The following NFASC variants were observed in gnomAD, a reference collection of about 807,000 sequenced individuals.
The protein encoded by NFASC is neurofascin homolog.
A neutral mutation model predicts 147.5 loss-of-function variants in NFASC; 43 were observed. That is an observed-to-expected ratio of 0.29 (90% confidence interval 0.23 to 0.38). The LOEUF (loss-of-function observed/expected upper bound fraction) is 0.38. Ranked by LOEUF, NFASC falls within the 10% of genes least tolerant of loss-of-function variation. The probability of loss-of-function intolerance (pLI) is 1.00; values close to 1 mark genes in which losing one functional copy is unlikely to be tolerated. For missense variants in NFASC, 1,320 were observed against 1,689.0 expected (o/e 0.78, Z 3.83); for synonymous variants, 622 against 665.5 (o/e 0.93, Z 1.01).
At chr1:204,965,231 C>A (rs1287235212) in intron 8 of NFASC, among the ~76,000 whole-genome samples, 1 of 152,146 alleles carries the variant, frequency 6.6e-6, no homozygotes, top group Non-Finnish European at 1.5e-5. Flanking sequence ...AAGAGGGTGT[C>A]CCATGATAAG....
Position 204,974,310 on chromosome 1 carries a change from GCC to G in NFASC, c.1391+21_1391+22del. On this transcript the variant is annotated intron_variant, in intron 13 of 29. Coordinates refer to ENST00000339876, the MANE Select transcript of NFASC (RefSeq NM_001005388.3). ...GCGATGGTAAGTTCCAGGAGATCAG[GCC>G]TTCCACAGCAGGGGTCACCTGTCTC... 6.4e-7 allele frequency: 1 copy of G among 1,572,198 alleles called. No homozygotes were observed. Among genetic ancestry groups the G allele is most frequent in the Non-Finnish European group, 8.7e-7 (1 of 1,142,940 alleles).
At chr1:204,871,395 G>A (rs185679931) in intron 1 of NFASC, among the ~76,000 whole-genome samples, 3 of 152,298 alleles carry the variant, frequency 2.0e-5, no homozygotes, top group Admixed American at 2.0e-4. Flanking sequence ...GGGTGGGCAG[G>A]GGAGCTTTGA....
At chr1:204,920,604 G>T (rs911564441) in intron 1 of NFASC, 28 bp from the exon 2 acceptor site, 2 of 1,138,054 alleles carry the variant, frequency 1.8e-6, no homozygotes, top group African/African-American at 3.2e-5. Flanking sequence ...GTAACCCTGG[G>T]GTTCTCCTTT....
Position 204,986,013 on chromosome 1 carries a change from G to C in NFASC, c.2471-1405G>C. 6.2e-7 allele frequency: 1 copy of C among 1,613,940 alleles called. No individual in the cohort carries two copies. Among genetic ancestry groups the C allele is most frequent in the Non-Finnish European group, 8.5e-7 (1 of 1,179,842 alleles). ...GACCGCCTCCGTGGCGTGGTGTCCCGCCTCTTCCCCTACAGTAACTACAAG... is the reference window on the plus strand; with the variant it reads ...GACCGCCTCCGTGGCGTGGTGTCCCCCCTCTTCCCCTACAGTAACTACAAG... On this transcript the variant is annotated intron_variant, in intron 21 of 29. Coordinates refer to ENST00000339876, the MANE Select transcript of NFASC (RefSeq NM_001005388.3). This position sits in a 1 kb window ranked among gnomAD's most constrained non-coding sequence, Gnocchi z 4.2.
rs1394252216 is a variant in NFASC, at chr1:204,979,548, C to T, written c.2165C>T (p.Thr722Ile). ...AGCCTCCCATCCGAGCGCTACCGAA[C>T]CAGTGGAGCACGTGAGTACCCGAGG... Reference protein sequence around the residue: ...HPSLPSERYRTSGAPPESNPG... With the variant: ...HPSLPSERYRISGAPPESNPG... The change falls in exon 19 of 30, where the codon ACC (threonine) becomes ATC (isoleucine). Residue 722 changes from threonine to isoleucine, a missense_variant. Coordinates refer to ENST00000339876, the MANE Select transcript of NFASC (RefSeq NM_001005388.3). The surrounding 1 kb of genome is among the most constrained non-coding windows in gnomAD (Gnocchi z 6.0). The T allele has an allele frequency of 6.2e-7, 1 of 1,613,706 alleles. No individual in the cohort carries two copies. The highest frequency in any genetic ancestry group is 1.1e-5 in the South Asian group (1 of 91,076).
intron 1 of NFASC, among the ~76,000 whole-genome samples, chr1:204,876,615 C>T (rs2078842147): frequency 6.6e-6 from 1 of 152,148 alleles, no homozygotes; most frequent in South Asian, 2.1e-4. Flanking sequence ...TTCTCCCCTC[C>T]TTCCAGCCCC....
At position 204,897,578 on chromosome 1, in the gene NFASC, C is replaced by T. The variant is rs1040467260; in HGVS notation, c.-199-23054C>T. Among the ~76,000 whole-genome samples, 5 of 143,586 alleles carry T rather than the reference C, an allele frequency of 3.5e-5. No homozygotes were observed. The East Asian group carries it at 1.0e-3, about 29-fold the overall frequency. The allele number at this position is 143,586 out of a possible 152,430, so 94.2% of individuals were successfully genotyped here. A position where few individuals can be genotyped will look rare whatever the true frequency, so the allele number is the denominator to read the frequency against. ...AATTCTAAAGCTTATTTTCTTTTTC[C>T]TTTTTTTTTTTTTTAGATAGGGTCT... On this transcript the variant is annotated intron_variant, in intron 1 of 29. Transcript: ENST00000339876.
intron 11 of NFASC, 133 bp from the exon 12 acceptor site, chr1:204,973,143 C>T (rs1395777744): frequency 2.3e-6 from 2 of 885,912 alleles, no homozygotes; most frequent in Admixed American, 2.0e-5. Flanking sequence ...GGCCAGAAGC[C>T]CTGTCATCTG....
At position 204,974,212 on chromosome 1, in the gene NFASC, A is replaced by C; in HGVS notation, c.1313A>C (p.Gln438Pro). The change falls in exon 13 of 30, where the codon CAG becomes CCG. Residue 438 changes from glutamine to proline, a missense_variant. This residue lies in a region of NFASC where 981 missense variants were observed against 1,289.5 expected (regional missense o/e 0.76). Transcript: ENST00000339876. ...CCTCGGATGCTGTCGCCCCGGAACCAGCTCATTCGAGTGATTCTTTACAAC... is the reference window on the plus strand; with the variant it reads ...CCTCGGATGCTGTCGCCCCGGAACCCGCTCATTCGAGTGATTCTTTACAAC... ...VPPRMLSPRNQLIRVILYNRT... is the reference protein window; with the variant it reads ...VPPRMLSPRNPLIRVILYNRT... 6.2e-7 allele frequency: 1 copy of C among 1,614,098 alleles called. No homozygotes were observed. The highest frequency in any genetic ancestry group is 1.1e-5 in the South Asian group (1 of 91,046).
At chr1:204,922,709 C>A (rs2090737198) in intron 2 of NFASC, among the ~76,000 whole-genome samples, 1 of 152,118 alleles carries the variant, frequency 6.6e-6, no homozygotes, top group South Asian at 2.1e-4. Flanking sequence ...GTCTGAGGCA[C>A]CCACAAATCA....
In NFASC at chr1:204,954,151, A is replaced by T; in HGVS notation, c.216-37A>T. ...CTGCCTGGAGCCCAGAGCCCACCCCATTCGTCTTGGTTGCCACTGCTCCCC... is the reference window on the plus strand; with the variant it reads ...CTGCCTGGAGCCCAGAGCCCACCCCTTTCGTCTTGGTTGCCACTGCTCCCC... On this transcript the variant is annotated intron_variant, in intron 5 of 29. Transcript: ENST00000339876. The surrounding 1 kb of genome is among the most constrained non-coding windows in gnomAD (Gnocchi z 5.7). The T allele has an allele frequency of 6.3e-7, 1 of 1,599,684 alleles. No homozygotes were observed. The highest frequency in any genetic ancestry group is 1.7e-5 in the Admixed American group (1 of 59,972).
At chr1:204,837,852 T>A (rs1483980709) in intron 1 of NFASC, among the ~76,000 whole-genome samples, 6 of 152,186 alleles carry the variant, frequency 3.9e-5, no homozygotes, top group African/African-American at 1.4e-4. Context: ...GTCCTTGTGA[T>A]GAAAGCAAAA....
intron 27 of NFASC, among the ~76,000 whole-genome samples, chr1:205,008,113 C>T (rs1438418338): frequency 6.6e-6 from 1 of 152,024 alleles, no homozygotes; most frequent in African/African-American, 2.4e-5. Context: ...CCCGTACTGG[C>T]AACTTTCTTG....
intron 1 of NFASC, among the ~76,000 whole-genome samples, chr1:204,851,621 C>T (rs2075707171): frequency 6.6e-6 from 1 of 152,044 alleles, no homozygotes; most frequent in Non-Finnish European, 1.5e-5. Flanking sequence ...TCATGAGCCA[C>T]CACACCAGGT....
intron 2 of NFASC, among the ~76,000 whole-genome samples, chr1:204,941,378 A>G (rs1439836332): frequency 6.6e-6 from 1 of 152,248 alleles, no homozygotes; most frequent in East Asian, 1.9e-4. Flanking sequence ...AATTTAAAAT[A>G]TCCCATACAA....
Position 204,975,390 on chromosome 1 carries a change from G to T in NFASC, c.1678G>T (p.Asp560Tyr), listed in dbSNP as rs1193157510. The stretch of plus-strand genomic sequence containing the variant: ...GAAACTCACCGTCTCCTGGCTGAAG[G>T]ATGACGAGCCGCTCTATATTGGAAA... ...SLKLTVSWLK[D>Y]DEPLYIGNRM... Residue 560 changes from aspartate to tyrosine, a missense_variant, in exon 15 of 30, where the codon GAT becomes TAT. Transcript: ENST00000339876. The surrounding 1 kb of genome is among the most constrained non-coding windows in gnomAD (Gnocchi z 4.0). 6.2e-7 allele frequency: 1 copy of T among 1,614,070 alleles called. No homozygotes were observed. Among genetic ancestry groups the T allele is most frequent in the Admixed American group, 1.7e-5 (1 of 60,024 alleles).
chr1:204,904,367 G>A (rs2085325078), intron 1 of NFASC, among the ~76,000 whole-genome samples: 4 of 152,146 alleles, frequency 2.6e-5, no homozygotes, highest in African/African-American at 9.7e-5. Context: ...TAAAGTGATA[G>A]GAATGCAGGC....
At chr1:204,978,082 T>C (rs1389319094) in intron 17 of NFASC, among the ~76,000 whole-genome samples, 3 of 152,198 alleles carry the variant, frequency 2.0e-5, no homozygotes, top group Non-Finnish European at 4.4e-5. Flanking sequence ...GGAAACTCAT[T>C]GTTCAGCCTC....
In NFASC at chr1:204,974,682, C is replaced by G; in HGVS notation, c.1417C>G (p.Leu473Val). 1 of 1,614,230 alleles carries G rather than the reference C, an allele frequency of 6.2e-7. No homozygotes were observed. The highest frequency in any genetic ancestry group is 1.1e-5 in the South Asian group (1 of 91,086). The change falls in exon 14 of 30, where the codon CTG becomes GTG. Residue 473 changes from leucine to valine, a missense_variant. Leu to Val is a conservative substitution (Grantham distance 32). Around this residue, in one of 3 missense-constraint regions of NFASC, gnomAD observed 981 missense variants for 1,289.5 expected, o/e 0.76. Coordinates refer to ENST00000339876, the MANE Select transcript of NFASC (RefSeq NM_001005388.3). ...RWFKNGQGSN[L>V]DGGNYHVYEN... ...GTTTAAGAATGGGCAAGGAAGCAACCTGGATGGTGGCAACTACCATGTTTA... is the reference window on the plus strand; with the variant it reads ...GTTTAAGAATGGGCAAGGAAGCAACGTGGATGGTGGCAACTACCATGTTTA...
Sources: allele counts gnomAD v4.1 joint callset (sites outside exome capture counted in the v4.1 genomes callset), GRCh38; gene constraint gnomAD v4.1.1; regional missense constraint gnomAD v4.1.1; non-coding constraint Gnocchi (gnomAD v3.1); transcripts MANE v1.5; gene names NCBI Gene and HGNC (gene_info 2026-07-23, HGNC 2026-07-21).